The following PRKAR1A variants were observed in gnomAD, a reference collection of about 807,000 sequenced individuals.
PRKAR1A encodes protein kinase cAMP-dependent type I regulatory subunit alpha.
PRKAR1A carries 3 observed loss-of-function variants against 52.0 expected under a neutral mutation model. That is an observed-to-expected ratio of 0.06 (90% CI 0.03 to 0.15). The LOEUF (loss-of-function observed/expected upper bound fraction) is 0.15. Ranked by LOEUF, PRKAR1A falls within the 10% of genes least tolerant of loss-of-function variation. The pLI is 1.00. For synonymous variants in PRKAR1A, 188 were observed against 168.4 expected, an observed-to-expected ratio of 1.12 and a Z score of -0.90; for missense variants, 240 against 477.4, an observed-to-expected ratio of 0.50 and a Z score of 4.63.
chr17:68,530,493 G>T lies in PRKAR1A; in HGVS notation c.*44G>T, dbSNP rs1172024852. On this transcript the variant is annotated 3_prime_UTR_variant, in exon 11 of 11. Transcript: ENST00000589228. ...CCCTTTTCTCCTCTCCCCAATCCAT[G>T]CTTCACTCATGCAAACTGCTTTATT... 2.5e-6 allele frequency: 4 copies of T among 1,613,610 alleles called. No homozygotes were observed. The highest frequency in any genetic ancestry group is 3.4e-6 in the Non-Finnish European group (4 of 1,179,866).
chr17:68,492,306 C>T, the PRKAR1A span, among the ~76,000 whole-genome samples: 4 of 152,048 alleles, frequency 2.6e-5, no homozygotes, highest in Non-Finnish European at 2.9e-5. Flanking sequence ...AGATATTGCA[C>T]GGTTTGAGGC....
At chr17:68,421,572 T>C in the PRKAR1A span, 2 of 632,772 alleles carry the variant, frequency 3.2e-6, no homozygotes, top group African/African-American at 1.8e-5. Context: ...GTGTATACAA[T>C]GTCTCCCGCG....
At chr17:68,427,846 G>C in the PRKAR1A span, among the ~76,000 whole-genome samples, 1 of 152,186 alleles carries the variant, frequency 6.6e-6, no homozygotes, top group Non-Finnish European at 1.5e-5. Context: ...CAGCAGGAGA[G>C]CTCAGTCTGT....
chr17:68,504,920 C>A, the PRKAR1A span, among the ~76,000 whole-genome samples: 1 of 152,106 alleles, frequency 6.6e-6, no homozygotes, highest in Non-Finnish European at 1.5e-5. Flanking sequence ...ATCAAAATAT[C>A]CCATATACCC....
intron 2 of PRKAR1A, among the ~76,000 whole-genome samples, chr17:68,516,296 G>A (rs1283052874): frequency 6.6e-6 from 1 of 152,066 alleles, no homozygotes; most frequent in Non-Finnish European, 1.5e-5. Flanking sequence ...GCAAATGAAT[G>A]CTTCAATTCA....
intron 11 of PRKAR1A, among the ~76,000 whole-genome samples, chr17:68,546,168 C>CAA (rs750780505): frequency 1.0e-4 from 10 of 98,912 alleles, no homozygotes; most frequent in South Asian, 3.4e-4. Context: ...GACTCCATCT[C>CAA]AAAAAAAAAA....
chr17:68,539,364 A>T, intron 11 of PRKAR1A: 1 of 1,614,178 alleles, frequency 6.2e-7, no homozygotes, highest in Non-Finnish European at 8.5e-7. Context: ...AGGCGAGAGG[A>T]TGGAGATTTC....
chr17:68,453,364 G>A, the PRKAR1A span, among the ~76,000 whole-genome samples: 3 of 152,126 alleles, frequency 2.0e-5, no homozygotes, highest in Admixed American at 6.5e-5. Context: ...CCAACACAAC[G>A]AGGGGGCCTT....
the PRKAR1A span, among the ~76,000 whole-genome samples, chr17:68,475,656 G>A: frequency 6.6e-6 from 1 of 152,094 alleles, no homozygotes; most frequent in Non-Finnish European, 1.5e-5. Context: ...TAGAGACGGG[G>A]TTTTGCCACG....
the PRKAR1A span, chr17:68,428,931 T>C: frequency 6.2e-7 from 1 of 1,613,582 alleles, no homozygotes; most frequent in Non-Finnish European, 8.5e-7. Context: ...TGGCAACTTC[T>C]GGATCCTAAG....
chr17:68,450,997 G>T, the PRKAR1A span: 151 of 1,459,624 alleles, frequency 1.0e-4, no homozygotes, highest in Non-Finnish European at 1.3e-4. Context: ...GGTTCCAAAG[G>T]TTCTCCGGGT....
the PRKAR1A span, chr17:68,444,562 T>C: frequency 1.9e-6 from 3 of 1,614,098 alleles, no homozygotes; most frequent in Non-Finnish European, 2.5e-6. Context: ...TGAATATAAA[T>C]GGACTCTTCT....
chr17:68,521,544 C>G (rs1421731748), intron 2 of PRKAR1A, among the ~76,000 whole-genome samples: 1 of 152,214 alleles, frequency 6.6e-6, no homozygotes, highest in South Asian at 2.1e-4. Flanking sequence ...TATTCTTAAA[C>G]TTTAAACTTG....
the PRKAR1A span, among the ~76,000 whole-genome samples, chr17:68,502,169 A>G: frequency 6.6e-6 from 1 of 151,530 alleles, no homozygotes; most frequent in African/African-American, 2.4e-5. Flanking sequence ...ATTAGAACCC[A>G]AAAGATAAAG....
At chr17:68,436,683 A>C in the PRKAR1A span, among the ~76,000 whole-genome samples, 1 of 152,208 alleles carries the variant, frequency 6.6e-6, no homozygotes, top group Non-Finnish European at 1.5e-5. Flanking sequence ...CTCCTGATTT[A>C]ACACTGGCTG....
the PRKAR1A span, chr17:68,444,539 G>A: frequency 6.2e-7 from 1 of 1,614,104 alleles, no homozygotes; most frequent in Non-Finnish European, 8.5e-7. Flanking sequence ...ACAGCTTCAT[G>A]TCTTTAATGT....
At chr17:68,548,884 C>T (rs1255221335) in intron 11 of PRKAR1A, among the ~76,000 whole-genome samples, 2 of 151,698 alleles carry the variant, frequency 1.3e-5, no homozygotes, top group Non-Finnish European at 2.9e-5. Context: ...CGGCACCCAC[C>T]ACCACGCCCG....
At chr17:68,550,939 C>T (rs952701289) in intron 11 of PRKAR1A, 1 of 579,622 alleles carries the variant, frequency 1.7e-6, no homozygotes, top group Non-Finnish European at 2.5e-6. Context: ...GAACCATCTA[C>T]TGGGGCTCTC....
At chr17:68,435,349 T>C in the PRKAR1A span, among the ~76,000 whole-genome samples, 1 of 152,372 alleles carries the variant, frequency 6.6e-6, no homozygotes, top group East Asian at 1.9e-4. Context: ...TCTCTACGGC[T>C]GATGTACACG....
Sources: allele counts gnomAD v4.1 joint callset (sites outside exome capture counted in the v4.1 genomes callset), GRCh38; gene constraint gnomAD v4.1.1; transcripts MANE v1.5; gene names NCBI Gene and HGNC (gene_info 2026-07-23, HGNC 2026-07-21).